SUPT20H: variants seen among roughly 807,000 people sequenced by gnomAD.
SUPT20H encodes SPT20 homolog, SAGA complex component.
A neutral mutation model predicts 122.8 loss-of-function variants in SUPT20H; 82 were observed. That is an observed-to-expected ratio of 0.67 (90% CI 0.56 to 0.80). The LOEUF (loss-of-function observed/expected upper bound fraction) is 0.80, where lower values mean the gene tolerates loss of function less well. Ranked by LOEUF, SUPT20H falls within the 30% of genes least tolerant of loss-of-function variation. The pLI, the probability that SUPT20H is intolerant of heterozygous loss-of-function variation, is 0.00. For missense variants in SUPT20H, 831 were observed against 921.6 expected, an observed-to-expected ratio of 0.90 and a Z score of 1.27; for synonymous variants, 291 against 313.0, an observed-to-expected ratio of 0.93 and a Z score of 0.74.
At chr13:37,053,619 A>C (rs2068243783) in intron 1 of SUPT20H, among the ~76,000 whole-genome samples, 1 of 152,100 alleles carries the variant, frequency 6.6e-6, no homozygotes, top group Non-Finnish European at 1.5e-5. Flanking sequence ...ACAGCAAACC[A>C]CCATGGCACA....
At chr13:37,027,220 C>G (rs2139749598) in intron 14 of SUPT20H, among the ~76,000 whole-genome samples, 1 of 151,936 alleles carries the variant, frequency 6.6e-6, no homozygotes, top group East Asian at 1.9e-4. Context: ...AACCTGCACA[C>G]ATACCCCTAT....
At chr13:37,034,680 A>T (rs1456387533) in intron 9 of SUPT20H, among the ~76,000 whole-genome samples, 1 of 152,216 alleles carries the variant, frequency 6.6e-6, no homozygotes, top group Non-Finnish European at 1.5e-5. Context: ...CTTAAACAAC[A>T]GATTTTCAAA....
At chr13:37,041,903 A>G (rs2065537091) in intron 7 of SUPT20H, among the ~76,000 whole-genome samples, 1 of 152,198 alleles carries the variant, frequency 6.6e-6, no homozygotes, top group Admixed American at 6.5e-5. Flanking sequence ...TCTGGATTGT[A>G]TGTGCAGATA....
chr13:37,040,373 C>T lies in SUPT20H; in HGVS notation c.567+32G>A, dbSNP rs1409548121. The T allele has an allele frequency of 1.2e-5, 18 of 1,535,662 alleles. No homozygotes were observed. In the South Asian group the frequency reaches 1.5e-4, roughly 13 times the overall value. ...TAATTTTTTTTCATCCTATATTTTG[C>T]CTGTTTGAGATTAAAAAACAAAACA... is the stretch of plus-strand genomic sequence containing the variant. On this transcript the variant is annotated intron_variant, in intron 9 of 25. Coordinates refer to ENST00000350612, the MANE Select transcript of SUPT20H (RefSeq NM_001014286.3).
In SUPT20H at chr13:37,019,307, A is replaced by G. The variant is rs546453699; in HGVS notation, c.1872+35T>C. 1,228 of 1,538,756 alleles carry G rather than the reference A, an allele frequency of 8.0e-4. 23 individuals carry two copies. In the South Asian group the frequency reaches 0.014, roughly 18 times the overall value. The stretch of plus-strand genomic sequence containing the variant: ...TTGTTTAGAAAAAAAGTCAATGTAC[A>G]AAAAATTTAATCAAAAGCAGTATTT... On this transcript the variant is annotated intron_variant, in intron 22 of 25. Transcript: ENST00000350612.
intron 10 of SUPT20H, among the ~76,000 whole-genome samples, chr13:37,032,368 C>T (rs772389880): frequency 9.9e-5 from 15 of 152,032 alleles, no homozygotes; most frequent in African/African-American, 3.4e-4. Flanking sequence ...TGTAAGACTC[C>T]GGAAGTTGCC....
At chr13:37,049,359 A>G (rs1026575379) in intron 2 of SUPT20H, among the ~76,000 whole-genome samples, 1 of 152,176 alleles carries the variant, frequency 6.6e-6, no homozygotes, top group Non-Finnish European at 1.5e-5. Context: ...GAGACGAGGA[A>G]AAAACATGGT....
chr13:37,028,712 G>C (rs2062761432), intron 13 of SUPT20H, among the ~76,000 whole-genome samples: 1 of 151,792 alleles, frequency 6.6e-6, no homozygotes, highest in South Asian at 2.1e-4. Context: ...CTCCGTATTA[G>C]AAGTCAGGGA....
intron 23 of SUPT20H, among the ~76,000 whole-genome samples, chr13:37,016,458 A>C (rs923063736): frequency 1.6e-4 from 25 of 152,126 alleles, no homozygotes; most frequent in African/African-American, 6.0e-4. Context: ...AAAATGGTAA[A>C]TTTTATGTGT....
At chr13:37,058,895 C>T (rs2069897861) in intron 1 of SUPT20H, among the ~76,000 whole-genome samples, 1 of 152,134 alleles carries the variant, frequency 6.6e-6, no homozygotes, top group Admixed American at 6.5e-5. Context: ...GTGATCAACC[C>T]AAGTACACTG....
intron 14 of SUPT20H, 26 bp downstream of exon 14, chr13:37,028,122 A>G: frequency 3.3e-6 from 5 of 1,506,288 alleles, no homozygotes; most frequent in East Asian, 2.4e-5. Flanking sequence ...TTTTTTTTCC[A>G]GTTACTTGTA....
At chr13:37,016,788 T>C (rs1371487455) in intron 23 of SUPT20H, among the ~76,000 whole-genome samples, 1 of 152,224 alleles carries the variant, frequency 6.6e-6, no homozygotes, top group East Asian at 1.9e-4. Context: ...CTGTCATTTA[T>C]TGCAATTCTT....
chr13:37,029,928 A>C (rs1430609713), intron 12 of SUPT20H, 92 bp from the exon 13 acceptor site: 1 of 949,636 alleles, frequency 1.1e-6, no homozygotes, highest in African/African-American at 1.7e-5. Flanking sequence ...GAAACTAAGT[A>C]ACTCGACAAT....
chr13:37,034,560 G>A (rs1254087108), intron 9 of SUPT20H, among the ~76,000 whole-genome samples: 4 of 152,200 alleles, frequency 2.6e-5, no homozygotes, highest in Non-Finnish European at 5.9e-5. Flanking sequence ...AGGGTTAAGA[G>A]TAGAAGCTGT....
intron 1 of SUPT20H, among the ~76,000 whole-genome samples, chr13:37,052,613 T>C (rs1420824004): frequency 2.0e-5 from 3 of 152,164 alleles, no homozygotes; most frequent in Admixed American, 6.5e-5. Flanking sequence ...ATTCAGGACA[T>C]AGGCATGGGC....
chr13:37,024,986 G>C, intron 17 of SUPT20H: 1 of 255,446 alleles, frequency 3.9e-6, no homozygotes, highest in Non-Finnish European at 7.7e-6. Flanking sequence ...CTGTTGCCCA[G>C]GCTGGAGTGC....
At chr13:37,046,405 G>C (rs2066438174) in intron 5 of SUPT20H, among the ~76,000 whole-genome samples, 1 of 152,150 alleles carries the variant, frequency 6.6e-6, no homozygotes, top group African/African-American at 2.4e-5. Flanking sequence ...ATCCCATTTA[G>C]ACTAGAGGTT....
At chr13:37,048,230 G>A (rs2066897144) in intron 3 of SUPT20H, among the ~76,000 whole-genome samples, 1 of 152,072 alleles carries the variant, frequency 6.6e-6, no homozygotes, top group South Asian at 2.1e-4. Context: ...TTCAAAATAT[G>A]CTTACTGTAT....
At chr13:37,015,540 G>A (rs971408763) in intron 23 of SUPT20H, among the ~76,000 whole-genome samples, 9 of 151,756 alleles carry the variant, frequency 5.9e-5, no homozygotes, top group Non-Finnish European at 7.4e-5. Flanking sequence ...AACAAGAGTT[G>A]GCGAGGATTT....
Sources: allele counts gnomAD v4.1 joint callset (sites outside exome capture counted in the v4.1 genomes callset), GRCh38; gene constraint gnomAD v4.1.1; transcripts MANE v1.5; gene names NCBI Gene and HGNC (gene_info 2026-07-23, HGNC 2026-07-21).